The following PIK3C2B variants were observed in gnomAD, a reference collection of about 807,000 sequenced individuals.
PIK3C2B encodes phosphatidylinositol-4-phosphate 3-kinase catalytic subunit type 2 beta.
PIK3C2B carries 83 observed loss-of-function variants against 184.3 expected under a neutral mutation model. The observed-to-expected ratio is 0.45, with a 90% CI of 0.38 to 0.54. The LOEUF (loss-of-function observed/expected upper bound fraction) is 0.54. PIK3C2B is among the 20% of genes least tolerant of loss of function. PIK3C2B has a pLI of 0.00. For synonymous variants in PIK3C2B, 779 were observed against 837.6 expected, an observed-to-expected ratio of 0.93 and a Z score of 1.21; for missense variants, 1,736 against 2,113.5, an observed-to-expected ratio of 0.82 and a Z score of 3.50.
At position 204,432,323 on chromosome 1, in the gene PIK3C2B, C is replaced by T. The variant is rs375417184; in HGVS notation, c.4032G>A (p.Thr1344=). 8 of 1,613,938 alleles carry T rather than the reference C, an allele frequency of 5.0e-6. No homozygotes were observed. Among genetic ancestry groups the T allele is most frequent in the Admixed American group, 1.7e-5 (1 of 59,984 alleles). The change falls in exon 27 of 33, where the codon ACG becomes ACA. Residue 1344 remains threonine, a synonymous_variant. Transcript: ENST00000684373. ...AGAGGGTCAGCCGGTCATCTGAGCC[C>T]GTGAACTTCATCTGAGCCAGATTAT... is the stretch of plus-strand genomic sequence containing the variant. ...FIHNLAQMKF[T]GSDDRLTLSF...
chr1:204,475,869 C>G (rs1224380196), intron 1 of PIK3C2B, among the ~76,000 whole-genome samples: 1 of 152,114 alleles, frequency 6.6e-6, no homozygotes, highest in African/African-American at 2.4e-5. Context: ...CTGTCTCAGC[C>G]ACACAGGGAA....
chr1:204,466,198 G>T (rs1655772464), intron 2 of PIK3C2B, among the ~76,000 whole-genome samples: 1 of 152,154 alleles, frequency 6.6e-6, no homozygotes, highest in Non-Finnish European at 1.5e-5. Context: ...TGCCTGAGGG[G>T]TCTGCTCAGG....
rs778897709 is a variant in PIK3C2B at position 204,433,933 on chromosome 1, C to T, written c.3703G>A (p.Val1235Ile). ...ACATACGCCATGTCCGAGGTGAAGA[C>T]AAAGGGGGCACGGTCCCTGAGCCAA... The part of the protein sequence containing the change: ...GNIKRDRAPF[V>I]FTSDMAYVIN... Residue 1235 changes from valine to isoleucine, a missense_variant, in exon 25 of 33, where the codon GTC becomes ATC. By Grantham distance (29) the Val-to-Ile change is conservative. Transcript: ENST00000684373. The surrounding 1 kb of genome is among the most constrained non-coding windows in gnomAD (Gnocchi z 5.0). 6.2e-7 allele frequency: 1 copy of T among 1,613,942 alleles called. No homozygotes were observed. Among genetic ancestry groups the T allele is most frequent in the Admixed American group, 1.7e-5 (1 of 60,012 alleles).
chr1:204,488,831 T>C (rs541093782), intron 1 of PIK3C2B, among the ~76,000 whole-genome samples: 2 of 152,348 alleles, frequency 1.3e-5, no homozygotes, highest in African/African-American at 4.8e-5. Flanking sequence ...CCCCACTCAA[T>C]GACTTAAAAG....
intron 32 of PIK3C2B, 23 bp from the exon 33 acceptor site, chr1:204,425,063 G>C: frequency 6.3e-7 from 1 of 1,597,528 alleles, no homozygotes; most frequent in South Asian, 1.1e-5. Context: ...AGATGGGTGA[G>C]GGAAGTGGTG....
At chr1:204,458,489 T>C (rs3014601) in intron 8 of PIK3C2B, among the ~76,000 whole-genome samples, 137,043 of 151,234 alleles carry the variant, frequency 0.91, 63,405 homozygotes, top group Non-Finnish European at 1. Flanking sequence ...CCAAAGGCTA[T>C]GACAATTTTT....
chr1:204,453,771 CATT>C (rs1263894218), intron 12 of PIK3C2B, among the ~76,000 whole-genome samples: 1 of 82,032 alleles, frequency 1.2e-5, no homozygotes, highest in African/African-American at 3.3e-5. Context: ...TAACAACTAA[CATT>C]TAATTTTTTT....
At chr1:204,449,600 T>G (rs1408937974) in intron 13 of PIK3C2B, among the ~76,000 whole-genome samples, 2 of 152,202 alleles carry the variant, frequency 1.3e-5, no homozygotes, top group Non-Finnish European at 2.9e-5. Flanking sequence ...CCAGATGATC[T>G]ATTACCCAAG....
Position 204,449,232 on chromosome 1 carries a change from G to A in PIK3C2B, c.2299C>T (p.Arg767Cys), listed in dbSNP as rs756141349. The change falls in exon 14 of 33, where the codon CGT becomes TGT. Residue 767 changes from arginine (R) to cysteine (C), a missense_variant. Physicochemically the swap from Arg to Cys is radical, Grantham distance 180. Around this residue, in one of 8 missense-constraint regions of PIK3C2B, gnomAD observed 609 missense variants for 699.2 expected, o/e 0.87. Coordinates refer to ENST00000684373, the MANE Select transcript of PIK3C2B (RefSeq NM_001377334.1). ...WPATQENPSA[R>C]WSAPNFHQPD... ...TGGTGGAAATTAGGTGCACTCCAAC[G>A]GGCGCTGGGATTTTCCTGTGTTGCT... 7.4e-6 allele frequency: 12 copies of A among 1,613,050 alleles called. No individual in the cohort carries two copies. The highest frequency in any genetic ancestry group is 2.2e-5 in the South Asian group (2 of 90,620).
At chr1:204,466,557 C>T (rs921565859) in intron 2 of PIK3C2B, among the ~76,000 whole-genome samples, 7 of 152,028 alleles carry the variant, frequency 4.6e-5, no homozygotes, top group African/African-American at 1.5e-4. Context: ...CTGCCAAGTT[C>T]GTGCCTGTGT....
rs17847754 is a variant in PIK3C2B, at chr1:204,449,236, G to C, written c.2295C>G (p.Ser765Arg). ...GLWPATQENP[S>R]ARWSAPNFHQ... is the part of the protein sequence containing the mutation. The stretch of plus-strand genomic sequence containing the variant: ...GGAAATTAGGTGCACTCCAACGGGC[G>C]CTGGGATTTTCCTGTGTTGCTGGCC... The change falls in exon 14 of 33, where the codon AGC becomes AGG. Residue 765 changes from serine (S) to arginine (R), a missense_variant. Physicochemically the swap from Ser to Arg is moderately radical, Grantham distance 110. Transcript: ENST00000684373. 8.7e-6 allele frequency: 14 copies of C among 1,612,892 alleles called. No homozygotes were observed. The highest frequency in any genetic ancestry group is 1.1e-5 in the Non-Finnish European group (13 of 1,179,742).
Position 204,447,683 on chromosome 1 carries a change from T to C in PIK3C2B, c.2347-105A>G. 1 of 745,190 alleles carries C rather than the reference T, an allele frequency of 1.3e-6. No homozygotes were observed. The highest frequency in any genetic ancestry group is 2.2e-6 in the Non-Finnish European group (1 of 446,368). 46.2% of individuals were successfully genotyped at this position (745,190 alleles called of 1,614,324 possible). On this transcript the variant is annotated intron_variant, in intron 14 of 32. Coordinates refer to ENST00000684373, the MANE Select transcript of PIK3C2B (RefSeq NM_001377334.1). The surrounding 1 kb of genome is among the most constrained non-coding windows in gnomAD (Gnocchi z 4.1). Reference sequence around the variant, plus strand: ...ATTCCGGCCTTGTCCCTCCCTCACTTTCCCTCAGGTTCTTTGTAAAATAGC... The same window carrying C: ...ATTCCGGCCTTGTCCCTCCCTCACTCTCCCTCAGGTTCTTTGTAAAATAGC...
At chr1:204,425,360 A>G (rs1395108218) in intron 32 of PIK3C2B, among the ~76,000 whole-genome samples, 1 of 152,310 alleles carries the variant, frequency 6.6e-6, no homozygotes, top group Non-Finnish European at 1.5e-5. Flanking sequence ...ATCCCAGCCC[A>G]AAAGGGCTGG....
chr1:204,472,676 A>C (rs1656390593), intron 1 of PIK3C2B, among the ~76,000 whole-genome samples: 1 of 152,030 alleles, frequency 6.6e-6, no homozygotes, highest in Non-Finnish European at 1.5e-5. Flanking sequence ...GCTACTCAGG[A>C]GGCTGAGGCA....
rs763026069 is a variant in PIK3C2B, at chr1:204,427,738, C to A, written c.4497G>T (p.Arg1499=). 6.2e-7 allele frequency: 1 copy of A among 1,613,550 alleles called. No individual in the cohort carries two copies. Among genetic ancestry groups the A allele is most frequent in the African/African-American group, 1.3e-5 (1 of 74,924 alleles). The change falls in exon 31 of 33, where the codon CGG becomes CGT. Residue 1499 remains arginine (R), a synonymous_variant. Transcript: ENST00000684373. ...APKSSDGTWA[R]PVGKVGGEVK... is the part of the protein sequence containing the mutation. ...CCTCCCCTCCCACCTTTCCGACGGG[C>A]CGGGCCCATGTGCCATCTGTAGGGA...
chr1:204,489,769 A>G, intron 1 of PIK3C2B: 2 of 396,034 alleles, frequency 5.1e-6, no homozygotes, highest in South Asian at 1.4e-4. Flanking sequence ...CATTACTACT[A>G]TCTGGGCTTT....
intron 1 of PIK3C2B, among the ~76,000 whole-genome samples, chr1:204,477,785 A>T (rs1656829082): frequency 1.3e-5 from 2 of 152,152 alleles, no homozygotes; most frequent in Admixed American, 1.3e-4. Context: ...TTGGATCCCA[A>T]AGGGTGTTGA....
chr1:204,469,910 C>G lies in PIK3C2B; in HGVS notation c.-84-24G>C, dbSNP rs1331314626. 1.5e-5 allele frequency: 10 copies of G among 659,604 alleles called. No individual in the cohort carries two copies. In the East Asian group the frequency reaches 2.4e-4, roughly 16 times the overall value. The allele number at this position is 659,604 out of a possible 1,614,324, so 40.9% of individuals were successfully genotyped here. On this transcript the variant is annotated intron_variant, in intron 1 of 32. Transcript: ENST00000684373. ...GCCTGCAGGTGAGGGGTAAAAATAT[C>G]AATCAGTCACAAAGAGAGATTTACT...
At position 204,491,339 on chromosome 1, in the gene PIK3C2B, A is replaced by G. The variant is rs191814339; in HGVS notation, c.-85+3017T>C. Among the ~76,000 whole-genome samples, 639 of 151,620 alleles carry G rather than the reference A, an allele frequency of 4.2e-3. 4 individuals are homozygous for G. Among genetic ancestry groups the G allele is most frequent in the African/African-American group, 0.015 (609 of 41,282 alleles). ...GGGAGACGGAGGTTGCAGGGAGCTG[A>G]GATGACACCACTGCACTCCAGTCTG... On this transcript the variant is annotated intron_variant, in intron 1 of 32. Coordinates refer to ENST00000684373, the MANE Select transcript of PIK3C2B (RefSeq NM_001377334.1).
Sources: gnomAD v4.1 joint callset for allele counts (sites outside exome capture counted in the v4.1 genomes callset) on GRCh38, gnomAD v4.1.1 for gene constraint, gnomAD v4.1.1 regional missense constraint, Gnocchi (gnomAD v3.1) non-coding constraint, MANE v1.5 for transcripts, NCBI Gene and HGNC (gene_info 2026-07-23, HGNC 2026-07-21) for gene names.